The following LGR6 variants were observed in gnomAD, a reference collection of about 807,000 sequenced individuals.
The protein encoded by LGR6 is leucine-rich repeat-containing G protein-coupled receptor 6.
LGR6 carries 45 observed loss-of-function variants against 69.4 expected under a neutral mutation model. That is an observed-to-expected ratio of 0.65 (90% CI 0.51 to 0.83). The LOEUF (loss-of-function observed/expected upper bound fraction) is 0.83. Ranked by LOEUF, LGR6 falls within the 40% of genes least tolerant of loss-of-function variation. The probability of loss-of-function intolerance (pLI) is 0.00; values close to 1 mark genes in which losing one functional copy is unlikely to be tolerated. For synonymous variants in LGR6, 538 were observed against 555.0 expected, an observed-to-expected ratio of 0.97 and a Z score of 0.43; for missense variants, 1,108 against 1,246.7, an observed-to-expected ratio of 0.89 and a Z score of 1.68.
At chr1:202,286,731 A>G (rs1571967531) in intron 6 of LGR6, among the ~76,000 whole-genome samples, 2 of 152,166 alleles carry the variant, frequency 1.3e-5, no homozygotes, top group South Asian at 4.1e-4. Context: ...ATTGCTCCAT[A>G]TAAAAATTTT....
Position 202,318,987 on chromosome 1 carries a change from G to T in LGR6, c.2684G>T (p.Gly895Val). The T allele has an allele frequency of 1.2e-6, 2 of 1,613,778 alleles. No homozygotes were observed. The highest frequency in any genetic ancestry group is 1.7e-6 in the Non-Finnish European group (2 of 1,179,818). Residue 895 changes from glycine to valine, a missense_variant, in exon 18 of 18, where the codon GGC (glycine) becomes GTC (valine). Physicochemically the swap from Gly to Val is moderately radical, Grantham distance 109. Coordinates refer to ENST00000367278, the MANE Select transcript of LGR6 (RefSeq NM_001017403.2). The stretch of plus-strand genomic sequence containing the variant: ...CGGCCCCCTGGGCTGGAGACCTATG[G>T]CTTCCCCTCAGTGACCCTCATCTCC... The part of the protein sequence containing the change: ...AGRPPGLETY[G>V]FPSVTLISCQ...
In LGR6 at chr1:202,268,991, G is replaced by A. The variant is rs1664887426; in HGVS notation, c.429-7315G>A. Among the ~76,000 whole-genome samples the A allele has an allele frequency of 6.6e-6, 1 of 152,040 alleles. No individual in the cohort carries two copies. Among genetic ancestry groups the A allele is most frequent in the African/African-American group, 2.4e-5 (1 of 41,380 alleles). ...TGTGAACACAGCTCACTGCAGCCTC[G>A]ACTTCTGGGATCAAAAGATCCTCCT... On this transcript the variant is annotated intron_variant, in intron 4 of 17. Coordinates refer to ENST00000367278, the MANE Select transcript of LGR6 (RefSeq NM_001017403.2). This position sits in a 1 kb window ranked among gnomAD's most constrained non-coding sequence, Gnocchi z 4.4.
chr1:202,218,392 A>G (rs6703244), intron 1 of LGR6, among the ~76,000 whole-genome samples: 48,806 of 152,050 alleles, frequency 0.32, 8,767 homozygotes, highest in Non-Finnish European at 0.41. Flanking sequence ...TCAAACTCCC[A>G]AGCTCAGGGG....
intron 1 of LGR6, among the ~76,000 whole-genome samples, chr1:202,204,447 C>CCTT (rs1558003605): frequency 1.4e-5 from 1 of 70,144 alleles, no homozygotes. Flanking sequence ...ACACACACCT[C>CCTT]CACACACACA....
intron 4 of LGR6, among the ~76,000 whole-genome samples, chr1:202,236,822 T>TGCA (rs1025671964): frequency 1.3e-5 from 2 of 152,130 alleles, no homozygotes; most frequent in Non-Finnish European, 2.9e-5. Context: ...ATAGTGGGCA[T>TGCA]GCAGTGTGTC....
At chr1:202,315,039 G>A (rs927556165) in intron 17 of LGR6, among the ~76,000 whole-genome samples, 157 bp downstream of exon 17, 3 of 152,352 alleles carry the variant, frequency 2.0e-5, no homozygotes, top group East Asian at 1.9e-4. Context: ...AATTCCTGGG[G>A]AAGGAACTGG....
chr1:202,308,909 T>G, intron 14 of LGR6, 142 bp from the exon 15 acceptor site: 1 of 981,414 alleles, frequency 1.0e-6, no homozygotes, highest in Non-Finnish European at 1.5e-6. Flanking sequence ...CGGCATTCAA[T>G]GCTCTCTTCT....
At position 202,225,409 on chromosome 1, in the gene LGR6, C is replaced by A. The variant is rs765501094; in HGVS notation, c.213-14C>A. 21 of 1,612,994 alleles carry A rather than the reference C, an allele frequency of 1.3e-5. No homozygotes were observed. The South Asian group carries it at 2.1e-4, about 16-fold the overall frequency. ...GGGAGTTCACAGCTCCTTTTTCCAT[C>A]TTCTCTCCACCAGGGACCTCAGCAT... On this transcript the variant is annotated splice_polypyrimidine_tract_variant and intron_variant, in intron 1 of 17. Coordinates refer to ENST00000367278, the MANE Select transcript of LGR6 (RefSeq NM_001017403.2).
intron 1 of LGR6, among the ~76,000 whole-genome samples, chr1:202,221,368 G>T (rs952484946): frequency 2.0e-5 from 3 of 152,032 alleles, no homozygotes; most frequent in Admixed American, 6.5e-5. Flanking sequence ...CAGTTTCCTT[G>T]GGTGGTCTGG....
chr1:202,285,277 C>G (rs1351249518), intron 6 of LGR6, among the ~76,000 whole-genome samples: 1 of 152,230 alleles, frequency 6.6e-6, no homozygotes, highest in Non-Finnish European at 1.5e-5. Flanking sequence ...CTGAGAGTAT[C>G]TGGCCACCCC....
chr1:202,311,363 A>G (rs1408699498), intron 16 of LGR6, among the ~76,000 whole-genome samples: 1 of 152,238 alleles, frequency 6.6e-6, no homozygotes, highest in African/African-American at 2.4e-5. Context: ...TTATCTTTAA[A>G]TGAGAAAGAT....
intron 3 of LGR6, among the ~76,000 whole-genome samples, chr1:202,230,680 C>T (rs1186889498): frequency 6.6e-6 from 1 of 152,220 alleles, no homozygotes; most frequent in Non-Finnish European, 1.5e-5. Flanking sequence ...CAGTCTTTAT[C>T]TCAAAAGTTT....
intron 4 of LGR6, among the ~76,000 whole-genome samples, chr1:202,255,397 A>G (rs1216335105): frequency 2.0e-5 from 3 of 152,140 alleles, no homozygotes; most frequent in South Asian, 4.1e-4. Flanking sequence ...GACTGATTGT[A>G]TAGGAAATCC....
chr1:202,309,249 T>A, intron 15 of LGR6, 73 bp downstream of exon 15: 1 of 1,571,602 alleles, frequency 6.4e-7, no homozygotes, highest in Non-Finnish European at 8.7e-7. Flanking sequence ...GAAAGCCAGA[T>A]GGCCCCACCC....
chr1:202,214,209 G>A, intron 1 of LGR6: 1 of 1,542,338 alleles, frequency 6.5e-7, no homozygotes, highest in East Asian at 2.6e-5. Flanking sequence ...CCTCTCCCGG[G>A]CTGGGAGTGC....
At chr1:202,197,164 C>T (rs1177055946) in intron 1 of LGR6, 1 of 513,708 alleles carries the variant, frequency 1.9e-6, no homozygotes, top group Non-Finnish European at 4.0e-6. Flanking sequence ...ATAAAAATGA[C>T]ATCACATCTC....
intron 7 of LGR6, among the ~76,000 whole-genome samples, chr1:202,300,330 G>C (rs539308721): frequency 6.6e-5 from 10 of 152,190 alleles, no homozygotes; most frequent in Non-Finnish European, 8.8e-5. Flanking sequence ...TTTTACACTT[G>C]TTAGGGAAAA....
chr1:202,216,580 AG>A (rs1305557901), intron 1 of LGR6, among the ~76,000 whole-genome samples: 2 of 152,204 alleles, frequency 1.3e-5, no homozygotes, highest in East Asian at 3.8e-4. Context: ...ACAAGCGGCT[AG>A]TGGCCACTGC....
At chr1:202,284,783 T>C (rs973983413) in intron 6 of LGR6, among the ~76,000 whole-genome samples, 2 of 152,162 alleles carry the variant, frequency 1.3e-5, no homozygotes, top group African/African-American at 4.8e-5. Flanking sequence ...ATGCTCTAGA[T>C]CTGGGAACTT....
Sources: allele counts gnomAD v4.1 joint callset (sites outside exome capture counted in the v4.1 genomes callset), GRCh38; gene constraint gnomAD v4.1.1; non-coding constraint Gnocchi (gnomAD v3.1); transcripts MANE v1.5; gene names NCBI Gene and HGNC (gene_info 2026-07-23, HGNC 2026-07-21).